Variants in SND1 observed in about 807,000 individuals in gnomAD.
SND1 encodes staphylococcal nuclease and tudor domain containing 1.
In SND1, 38 loss-of-function variants were observed where a neutral mutation model predicts 121.7. The observed-to-expected ratio is 0.31, with a 90% CI of 0.24 to 0.41. The LOEUF (loss-of-function observed/expected upper bound fraction) is 0.41. Ranked by LOEUF, SND1 falls within the 10% of genes least tolerant of loss-of-function variation. The probability of loss-of-function intolerance (pLI) is 1.00; values close to 1 mark genes in which losing one functional copy is unlikely to be tolerated. For synonymous variants in SND1, 401 were observed against 447.4 expected (o/e 0.90, Z 1.31); for missense variants, 868 against 1,184.6 (o/e 0.73, Z 3.92).
intron 12 of SND1, among the ~76,000 whole-genome samples, chr7:127,882,213 C>A (rs950890174): frequency 1.3e-5 from 2 of 151,748 alleles, no homozygotes; most frequent in Non-Finnish European, 2.9e-5. Context: ...ATGATCATAC[C>A]ACTGCACTGT....
chr7:127,743,948 C>T (rs953817286), intron 10 of SND1, among the ~76,000 whole-genome samples: 6 of 152,100 alleles, frequency 3.9e-5, no homozygotes, highest in Non-Finnish European at 2.9e-5. Context: ...GGCATGTAAA[C>T]TACACATAGA....
rs71522252 is a variant in SND1 at position 127,663,377 on chromosome 7, C to CT, written c.78+10939dup. Among the ~76,000 whole-genome samples the CT allele has an allele frequency of 1.4e-3, 193 of 142,950 alleles. 1 individual carries two copies. The highest frequency in any genetic ancestry group is 3.7e-3 in the African/African-American group (145 of 39,174). 93.8% of individuals were successfully genotyped at this position (142,950 alleles called of 152,430 possible). A position where few individuals can be genotyped will look rare whatever the true frequency, so the allele number is the denominator to read the frequency against. On this transcript the variant is annotated intron_variant, in intron 1 of 23. Coordinates refer to ENST00000354725, the MANE Select transcript of SND1 (RefSeq NM_014390.4). ...ACGGATGTGAGGGCCTACTGTACTT[C>CT]TTTTTTTTTTTTTGAGATGGAGTCT...
At chr7:127,830,278 G>C (rs1201477982) in intron 11 of SND1, among the ~76,000 whole-genome samples, 1 of 152,060 alleles carries the variant, frequency 6.6e-6, no homozygotes, top group African/African-American at 2.4e-5. Context: ...AGCTACTCAG[G>C]GGGCTGAGAC....
intron 14 of SND1, among the ~76,000 whole-genome samples, chr7:127,917,113 G>A (rs565729344): frequency 6.6e-6 from 1 of 152,216 alleles, no homozygotes; most frequent in South Asian, 2.1e-4. Context: ...CGCACTCTGT[G>A]GTACATCATT....
chr7:127,979,487 G>C (rs1196187409), intron 15 of SND1, among the ~76,000 whole-genome samples: 2 of 152,156 alleles, frequency 1.3e-5, no homozygotes, highest in African/African-American at 4.8e-5. Context: ...TGGAGTGGCA[G>C]GGTGAGTAGT....
At chr7:127,819,258 T>A (rs765572728) in intron 11 of SND1, among the ~76,000 whole-genome samples, 8 of 152,162 alleles carry the variant, frequency 5.3e-5, no homozygotes, top group Admixed American at 3.3e-4. Context: ...AATGAAGAGA[T>A]GAGACATTTC....
chr7:127,910,444 C>CA (rs1374058593), intron 14 of SND1, among the ~76,000 whole-genome samples: 4 of 149,104 alleles, frequency 2.7e-5, no homozygotes, highest in South Asian at 2.1e-4. Context: ...GACTCCATCT[C>CA]AAAAAAAAAG....
chr7:127,746,038 G>T (rs973849991), intron 10 of SND1, among the ~76,000 whole-genome samples: 2 of 152,188 alleles, frequency 1.3e-5, no homozygotes, highest in African/African-American at 4.8e-5. Flanking sequence ...GCTGTGACCT[G>T]TGTGTGTCAC....
chr7:128,030,563 C>A (rs554085056), intron 16 of SND1: 4 of 1,611,732 alleles, frequency 2.5e-6, no homozygotes, highest in Non-Finnish European at 3.4e-6. Flanking sequence ...TCCACACTTG[C>A]GCCGTGAGGT....
intron 12 of SND1, among the ~76,000 whole-genome samples, chr7:127,883,346 C>G (rs940363000): frequency 1.3e-5 from 2 of 152,070 alleles, no homozygotes. Flanking sequence ...ATTGTTTGAT[C>G]ATATTTTTGC....
chr7:127,754,190 A>G (rs760877245), intron 10 of SND1, among the ~76,000 whole-genome samples: 1 of 152,222 alleles, frequency 6.6e-6, no homozygotes, highest in South Asian at 2.1e-4. Flanking sequence ...AATTGTATAG[A>G]TTATCTTCTT....
chr7:127,765,918 AC>A (rs1326973383), intron 10 of SND1, among the ~76,000 whole-genome samples: 3 of 152,238 alleles, frequency 2.0e-5, no homozygotes, highest in Non-Finnish European at 2.9e-5. Context: ...CCTTGGATGA[AC>A]ATGGCATCAT....
intron 10 of SND1, among the ~76,000 whole-genome samples, chr7:127,769,621 G>A (rs1204999744): frequency 6.6e-6 from 1 of 151,814 alleles, no homozygotes; most frequent in Admixed American, 6.6e-5. Context: ...TTGTTCCTGA[G>A]TGGGCTTCTT....
At chr7:127,835,616 T>C (rs1189156417) in intron 11 of SND1, among the ~76,000 whole-genome samples, 4 of 152,092 alleles carry the variant, frequency 2.6e-5, no homozygotes, top group African/African-American at 4.8e-5. Flanking sequence ...AAGTAGGTAT[T>C]GGTGTGAGTT....
chr7:127,835,825 C>A (rs938002129), intron 11 of SND1, among the ~76,000 whole-genome samples: 1 of 152,072 alleles, frequency 6.6e-6, no homozygotes, highest in Non-Finnish European at 1.5e-5. Context: ...AAAATATTGT[C>A]ATTTGTCAAA....
chr7:127,992,672 A>G (rs969971553), intron 16 of SND1, among the ~76,000 whole-genome samples: 1 of 152,176 alleles, frequency 6.6e-6, no homozygotes, highest in African/African-American at 2.4e-5. Context: ...ACTGTTTCAC[A>G]TCTCCTAAAG....
At chr7:127,776,193 A>G (rs989590901) in intron 10 of SND1, among the ~76,000 whole-genome samples, 1 of 152,168 alleles carries the variant, frequency 6.6e-6, no homozygotes, top group Non-Finnish European at 1.5e-5. Context: ...TTTTAGAAGG[A>G]TGGTTTGGGA....
At chr7:127,812,424 A>G (rs1204320357) in intron 11 of SND1, among the ~76,000 whole-genome samples, 7 of 152,224 alleles carry the variant, frequency 4.6e-5, no homozygotes, top group African/African-American at 1.4e-4. Flanking sequence ...GCAGTGTCAG[A>G]TTACATGTTC....
intron 10 of SND1, among the ~76,000 whole-genome samples, chr7:127,740,013 C>G (rs1252182854): frequency 6.6e-6 from 1 of 152,160 alleles, no homozygotes; most frequent in Non-Finnish European, 1.5e-5. Context: ...TTCTTATTGC[C>G]AGCATAAACA....
Sources: gnomAD v4.1 joint callset for allele counts (sites outside exome capture counted in the v4.1 genomes callset) on GRCh38, gnomAD v4.1.1 for gene constraint, MANE v1.5 for transcripts, NCBI Gene and HGNC (gene_info 2026-07-23, HGNC 2026-07-21) for gene names.